The following GNAQ variants were observed in gnomAD, a reference collection of about 807,000 sequenced individuals.
The protein encoded by GNAQ is guanine nucleotide-binding protein G(q) subunit alpha.
Under a neutral mutation model 43.9 loss-of-function variants are expected in GNAQ, and 8 were observed. The observed-to-expected ratio is 0.18, with a 90% CI of 0.11 to 0.33. GNAQ has a LOEUF of 0.33. Among genes scored for constraint, GNAQ ranks in the 10% least tolerant of loss-of-function variants. The pLI is 1.00. For synonymous variants in GNAQ, 155 were observed against 170.7 expected (o/e 0.91, Z 0.71); for missense variants, 158 against 450.8 (o/e 0.35, Z 5.88).
chr9:77,865,348 G>A (rs1827930484), intron 2 of GNAQ, among the ~76,000 whole-genome samples: 1 of 152,162 alleles, frequency 6.6e-6, no homozygotes, highest in South Asian at 2.1e-4. Context: ...TTACCTATGT[G>A]ATTTTATGAA....
chr9:77,853,796 A>AC (rs1440585351), intron 2 of GNAQ, among the ~76,000 whole-genome samples: 2 of 151,218 alleles, frequency 1.3e-5, no homozygotes, highest in South Asian at 2.1e-4. Flanking sequence ...AAAAAAAAAA[A>AC]AAAACCCACA....
At chr9:77,882,566 A>G (rs1828231956) in intron 2 of GNAQ, among the ~76,000 whole-genome samples, 1 of 152,238 alleles carries the variant, frequency 6.6e-6, no homozygotes, top group African/African-American at 2.4e-5. Flanking sequence ...TTAAAGATAT[A>G]CAATGGGAAA....
intron 2 of GNAQ, among the ~76,000 whole-genome samples, chr9:77,839,242 C>A (rs1053603853): frequency 3.3e-5 from 5 of 152,200 alleles, no homozygotes; most frequent in African/African-American, 1.2e-4. Flanking sequence ...TTAGACTTGA[C>A]TGATCAAGAG....
chr9:77,894,336 T>TA (rs1281436763), intron 2 of GNAQ, among the ~76,000 whole-genome samples: 85 of 140,612 alleles, frequency 6.0e-4, no homozygotes, highest in African/African-American at 2.2e-3. Context: ...AGAAAATATA[T>TA]ATTATATATA....
chr9:78,010,212 A>G (rs1823757142), intron 1 of GNAQ, among the ~76,000 whole-genome samples: 1 of 152,236 alleles, frequency 6.6e-6, no homozygotes, highest in African/African-American at 2.4e-5. Context: ...AAATGATGGC[A>G]AGAACTCACG....
chr9:77,849,685 C>G (rs996918111), intron 2 of GNAQ, among the ~76,000 whole-genome samples: 2 of 152,128 alleles, frequency 1.3e-5, no homozygotes, highest in Non-Finnish European at 2.9e-5. Flanking sequence ...TTCAGCTCTT[C>G]TCTTACTTGC....
intron 2 of GNAQ, among the ~76,000 whole-genome samples, chr9:77,832,434 C>T (rs1419996397): frequency 6.6e-6 from 1 of 152,106 alleles, no homozygotes; most frequent in Non-Finnish European, 1.5e-5. Context: ...TGATGTGGTG[C>T]ACTTGGAAGA....
chr9:77,812,226 A>C (rs1057506691), intron 3 of GNAQ, among the ~76,000 whole-genome samples: 2 of 152,242 alleles, frequency 1.3e-5, no homozygotes, highest in African/African-American at 4.8e-5. Context: ...AAATAAAACT[A>C]TCAGAGGAAG....
intron 2 of GNAQ, among the ~76,000 whole-genome samples, chr9:77,845,119 GT>G (rs1827563149): frequency 2.6e-5 from 4 of 151,930 alleles, no homozygotes; most frequent in African/African-American, 9.7e-5. Flanking sequence ...ACTGTAACTC[GT>G]TGGAAATATA....
chr9:77,762,122 T>G (rs1165436744), intron 5 of GNAQ, among the ~76,000 whole-genome samples: 8 of 89,236 alleles, frequency 9.0e-5, no homozygotes, highest in South Asian at 7.6e-4. Flanking sequence ...GGGAGGGAGG[T>G]GGGGGGTCAG....
chr9:78,020,072 G>A (rs1204289974), intron 1 of GNAQ, among the ~76,000 whole-genome samples: 1 of 152,086 alleles, frequency 6.6e-6, no homozygotes, highest in Admixed American at 6.6e-5. Flanking sequence ...CCTTTTCTCA[G>A]CTAAAAGGTG....
intron 2 of GNAQ, among the ~76,000 whole-genome samples, chr9:77,857,895 A>C (rs1365182964): frequency 6.7e-6 from 1 of 150,162 alleles, no homozygotes; most frequent in East Asian, 2.0e-4. Context: ...TCCAGTTCTG[A>C]ATTGAGGTCA....
chr9:78,029,547 C>T (rs1332334230), intron 1 of GNAQ, among the ~76,000 whole-genome samples: 1 of 152,130 alleles, frequency 6.6e-6, no homozygotes, highest in Non-Finnish European at 1.5e-5. Flanking sequence ...ACTCTTTCAT[C>T]CAGTGCTTTT....
chr9:78,001,583 G>A (rs1823644533), intron 1 of GNAQ, among the ~76,000 whole-genome samples: 1 of 148,912 alleles, frequency 6.7e-6, no homozygotes, highest in Non-Finnish European at 1.5e-5. Flanking sequence ...ATACTTCTTT[G>A]TACTTTTTTT....
intron 1 of GNAQ, among the ~76,000 whole-genome samples, chr9:78,015,519 T>C (rs188267581): frequency 2.1e-4 from 32 of 152,194 alleles, no homozygotes; most frequent in Non-Finnish European, 3.8e-4. Flanking sequence ...GGAAGCAGAT[T>C]AGCAGCAAAT....
intron 1 of GNAQ, among the ~76,000 whole-genome samples, chr9:77,948,985 C>T (rs1304710711): frequency 6.6e-6 from 1 of 152,150 alleles, no homozygotes; most frequent in Non-Finnish European, 1.5e-5. Context: ...TTTCAGGTGC[C>T]CCAGGGTCTC....
At chr9:77,906,883 G>T (rs1368305923) in intron 2 of GNAQ, among the ~76,000 whole-genome samples, 1 of 152,162 alleles carries the variant, frequency 6.6e-6, no homozygotes, top group Non-Finnish European at 1.5e-5. Flanking sequence ...ACCTACATTT[G>T]TATGTGCAAA....
At chr9:77,749,085 A>G (rs1248525788) in intron 5 of GNAQ, among the ~76,000 whole-genome samples, 1 of 152,144 alleles carries the variant, frequency 6.6e-6, no homozygotes, top group Non-Finnish European at 1.5e-5. Flanking sequence ...TCCCTGCCCC[A>G]TGTTCTCGAC....
At chr9:77,934,886 G>A (rs997010894) in intron 1 of GNAQ, among the ~76,000 whole-genome samples, 2 of 152,298 alleles carry the variant, frequency 1.3e-5, no homozygotes, top group Admixed American at 6.5e-5. Context: ...CAGCACTTTG[G>A]GAGGCTGAGG....
Sources: allele counts gnomAD v4.1 joint callset (sites outside exome capture counted in the v4.1 genomes callset), GRCh38; gene constraint gnomAD v4.1.1; transcripts MANE v1.5; gene names NCBI Gene and HGNC (gene_info 2026-07-23, HGNC 2026-07-21).